The following WWP2 variants were observed in gnomAD, a reference collection of about 807,000 sequenced individuals.
The protein encoded by WWP2 is WW domain containing E3 ubiquitin protein ligase 2, also known as NEDD4-like E3 ubiquitin-protein ligase WWP2.
WWP2 carries 57 observed loss-of-function variants against 121.0 expected under a neutral mutation model. The ratio of observed to expected loss-of-function variants is 0.47; its 90% CI spans 0.38 to 0.59. WWP2 has a LOEUF of 0.59. Among genes scored for constraint, WWP2 ranks in the 20% least tolerant of loss-of-function variants. WWP2 has a pLI of 0.00. For missense variants in WWP2, 962 were observed against 1,158.9 expected (o/e 0.83, Z 2.47); for synonymous variants, 449 against 441.3 (o/e 1.02, Z -0.22).
intron 1 of WWP2, among the ~76,000 whole-genome samples, chr16:69,767,891 A>G (rs1425407171): frequency 1.3e-5 from 2 of 152,192 alleles, no homozygotes; most frequent in Non-Finnish European, 2.9e-5. Context: ...AGGCTGAAGT[A>G]CAGTGGCATG....
intron 2 of WWP2, among the ~76,000 whole-genome samples, chr16:69,789,088 C>T (rs962151317): frequency 2.6e-5 from 4 of 152,186 alleles, no homozygotes; most frequent in Admixed American, 1.3e-4. Context: ...GACAGAGTCT[C>T]GCTCTGTCGC....
At chr16:69,841,118 A>G (rs1463509538) in intron 5 of WWP2, among the ~76,000 whole-genome samples, 1 of 152,236 alleles carries the variant, frequency 6.6e-6, no homozygotes, top group Non-Finnish European at 1.5e-5. Context: ...TAGGTCTTAG[A>G]CCAGGCCCTA....
chr16:69,843,208 G>A (rs1038065840), intron 6 of WWP2, among the ~76,000 whole-genome samples: 12 of 152,074 alleles, frequency 7.9e-5, no homozygotes, highest in Non-Finnish European at 1.0e-4. Context: ...ATTCTGCTTT[G>A]GGGGTGGCCC....
At chr16:69,919,069 C>G (rs2058517549) in intron 10 of WWP2, among the ~76,000 whole-genome samples, 1 of 37,468 alleles carries the variant, frequency 2.7e-5, no homozygotes, top group Non-Finnish European at 4.5e-5. Context: ...GTCTTGAACT[C>G]CTGACCTCAA....
At chr16:69,884,149 C>T (rs574201694) in intron 7 of WWP2, among the ~76,000 whole-genome samples, 1 of 152,252 alleles carries the variant, frequency 6.6e-6, no homozygotes, top group Non-Finnish European at 1.5e-5. Flanking sequence ...CTTGAAAAAA[C>T]ACACACATGT....
At chr16:69,922,369 A>G (rs559915090) in intron 10 of WWP2, among the ~76,000 whole-genome samples, 1 of 152,312 alleles carries the variant, frequency 6.6e-6, no homozygotes, top group East Asian at 1.9e-4. Context: ...TTAAAATATT[A>G]CTGGAACTTT....
At chr16:69,778,192 A>ATATTTT (rs1555544415) in intron 1 of WWP2, among the ~76,000 whole-genome samples, 1 of 125,658 alleles carries the variant, frequency 8.0e-6, no homozygotes, top group East Asian at 2.3e-4. Flanking sequence ...ATATATATAT[A>ATATTTT]TTTTTTTTTT....
intron 10 of WWP2, among the ~76,000 whole-genome samples, chr16:69,918,151 A>C (rs1048833766): frequency 2.0e-5 from 3 of 152,010 alleles, no homozygotes; most frequent in Non-Finnish European, 2.9e-5. Context: ...ATCGGCTTTC[A>C]TTTCTGCCCC....
intron 9 of WWP2, among the ~76,000 whole-genome samples, chr16:69,916,885 C>G (rs1018549830): frequency 6.6e-6 from 1 of 152,040 alleles, no homozygotes; most frequent in Admixed American, 6.6e-5. Flanking sequence ...TCATTGAGGC[C>G]GGGTGCAGTG....
chr16:69,908,151 G>A (rs1297196815), intron 8 of WWP2, among the ~76,000 whole-genome samples: 2 of 152,122 alleles, frequency 1.3e-5, no homozygotes, highest in African/African-American at 2.4e-5. Context: ...AGGTTGAGGT[G>A]GGAGGATTGC....
rs1567672269 is a variant in WWP2 at position 69,799,136 on chromosome 16, T to A, written c.219-38T>A. ...GTTTTCTTCTAAGTTATAGGAATGA[T>A]CTGCTTGGATGTAATGAATCAGGTA... On this transcript the variant is annotated intron_variant, in intron 3 of 23. Transcript: ENST00000359154. This position sits in a 1 kb window ranked among gnomAD's most constrained non-coding sequence, Gnocchi z 4.5. The A allele has an allele frequency of 6.3e-7, 1 of 1,587,380 alleles. No homozygotes were observed. The highest frequency in any genetic ancestry group is 2.2e-5 in the East Asian group (1 of 44,648).
At chr16:69,891,313 G>A (rs770677977) in intron 8 of WWP2, among the ~76,000 whole-genome samples, 9 of 152,220 alleles carry the variant, frequency 5.9e-5, no homozygotes, top group Non-Finnish European at 1.0e-4. Context: ...GGACCAATGA[G>A]AGAAGGAAAT....
intron 10 of WWP2, among the ~76,000 whole-genome samples, chr16:69,923,115 C>A (rs1396330791): frequency 6.6e-6 from 1 of 152,114 alleles, no homozygotes; most frequent in Non-Finnish European, 1.5e-5. Context: ...GTCTCGAACT[C>A]CTGACCTCAA....
chr16:69,765,332 G>T (rs909058959), intron 1 of WWP2, among the ~76,000 whole-genome samples: 2 of 151,640 alleles, frequency 1.3e-5, no homozygotes, highest in South Asian at 4.1e-4. Context: ...AATTATAAAT[G>T]TGGCTTGCAC....
chr16:69,796,047 G>A (rs1021803326), intron 2 of WWP2, among the ~76,000 whole-genome samples: 2 of 151,118 alleles, frequency 1.3e-5, no homozygotes, highest in Non-Finnish European at 1.5e-5. Flanking sequence ...GATGGGCATC[G>A]ATAGGACAAT....
Position 69,799,443 on chromosome 16 carries a change from C to T in WWP2, c.340+148C>T. On this transcript the variant is annotated intron_variant, in intron 4 of 23. Transcript: ENST00000359154. The surrounding 1 kb of genome is among the most constrained non-coding windows in gnomAD (Gnocchi z 4.5). ...TGCTGTCTTTGGAGTTTTGGGAAGG[C>T]TGAGGGCTCCTCTCTGCCTCCACTA... 1 of 1,112,726 alleles carries T rather than the reference C, an allele frequency of 9.0e-7. No individual in the cohort carries two copies. Among genetic ancestry groups the T allele is most frequent in the Non-Finnish European group, 1.2e-6 (1 of 807,990 alleles). The allele number at this position is 1,112,726 out of a possible 1,614,324, so 68.9% of individuals were successfully genotyped here.
chr16:69,805,495 G>A (rs755021459), intron 4 of WWP2, among the ~76,000 whole-genome samples: 13 of 151,834 alleles, frequency 8.6e-5, no homozygotes, highest in Non-Finnish European at 1.3e-4. Flanking sequence ...TGTAAGGCTG[G>A]GTATTAGTAA....
chr16:69,804,006 A>AG (rs1392875320), intron 4 of WWP2, among the ~76,000 whole-genome samples: 1 of 152,186 alleles, frequency 6.6e-6, no homozygotes, highest in African/African-American at 2.4e-5. Flanking sequence ...ATTAAAAAAA[A>AG]GTGTTTATTG....
rs773789065 is a variant in WWP2 at position 69,937,197 on chromosome 16, C to T, written c.2197C>T (p.Pro733Ser). The change falls in exon 20 of 24, where the codon CCG becomes TCG. Residue 733 changes from proline to serine, a missense_variant. Pro to Ser is a moderately conservative substitution (Grantham distance 74). Around this residue, in one of 3 missense-constraint regions of WWP2, gnomAD observed 606 missense variants for 772.6 expected, o/e 0.78. Transcript: ENST00000359154. This position sits in a 1 kb window ranked among gnomAD's most constrained non-coding sequence, Gnocchi z 6.6. The stretch of plus-strand genomic sequence containing the variant: ...CCTGGATGGCTTCAACGAGGTGGCC[C>T]CGCTGGAGTGGCTGCGCTACTTTGA... ...AFLDGFNEVA[P>S]LEWLRYFDEK... 1 of 1,613,898 alleles carries T rather than the reference C, an allele frequency of 6.2e-7. No individual in the cohort carries two copies. Among genetic ancestry groups the T allele is most frequent in the South Asian group, 1.1e-5 (1 of 91,026 alleles).
Sources: allele counts gnomAD v4.1 joint callset (sites outside exome capture counted in the v4.1 genomes callset), GRCh38; gene constraint gnomAD v4.1.1; regional missense constraint gnomAD v4.1.1; non-coding constraint Gnocchi (gnomAD v3.1); transcripts MANE v1.5; gene names NCBI Gene and HGNC (gene_info 2026-07-23, HGNC 2026-07-21).